Variants in PDHX observed in about 807,000 individuals in gnomAD.
The protein encoded by PDHX is pyruvate dehydrogenase protein X component, mitochondrial.
PDHX carries 33 observed loss-of-function variants against 55.3 expected under a neutral mutation model. That is an observed-to-expected ratio of 0.60 (90% CI 0.45 to 0.80). PDHX has a LOEUF of 0.80. Ranked by LOEUF, PDHX falls within the 30% of genes least tolerant of loss-of-function variation. The pLI, the probability that PDHX is intolerant of heterozygous loss-of-function variation, is 0.00. For synonymous variants in PDHX, 226 were observed against 219.4 expected, an observed-to-expected ratio of 1.03 and a Z score of -0.27; for missense variants, 622 against 619.9, an observed-to-expected ratio of 1.00 and a Z score of -0.04.
chr11:34,969,130 C>T (rs1025157749), intron 6 of PDHX, among the ~76,000 whole-genome samples: 5 of 152,020 alleles, frequency 3.3e-5, no homozygotes, highest in Non-Finnish European at 7.4e-5. Flanking sequence ...CAACTATAGG[C>T]TAATGTAAAT....
At chr11:34,916,565 C>G, upstream of PDHX, 1 of 1,548,810 alleles carries the variant, frequency 6.5e-7, no homozygotes, top group Non-Finnish European at 8.7e-7. Context: ...GCACCGCTAG[C>G]GTCTGGGGGC....
At chr11:34,918,723 C>T (rs768014276) in intron 1 of PDHX, among the ~76,000 whole-genome samples, 5 of 152,124 alleles carry the variant, frequency 3.3e-5, no homozygotes, top group Non-Finnish European at 4.4e-5. Flanking sequence ...TCTAGAGGTC[C>T]GAAGTCCAAA....
chr11:34,966,889 T>G, intron 6 of PDHX, 75 bp downstream of exon 6: 3 of 1,333,352 alleles, frequency 2.2e-6, no homozygotes, highest in Non-Finnish European at 3.2e-6. Flanking sequence ...TCTTGCACTG[T>G]CACCCAGGCT....
intron 5 of PDHX, among the ~76,000 whole-genome samples, chr11:34,964,607 T>TA (rs1263598955): frequency 6.7e-5 from 10 of 148,274 alleles, no homozygotes; most frequent in South Asian, 4.3e-4. Flanking sequence ...CTTTAAAAAA[T>TA]AAAAAAAAAA....
chr11:34,969,493 G>A (rs528084348), intron 6 of PDHX, among the ~76,000 whole-genome samples: 9 of 151,890 alleles, frequency 5.9e-5, no homozygotes, highest in Admixed American at 1.3e-4. Context: ...ACAGGCACGC[G>A]CCACCACACT....
chr11:34,983,145 G>A (rs963731142), intron 8 of PDHX, among the ~76,000 whole-genome samples: 10 of 152,044 alleles, frequency 6.6e-5, no homozygotes, highest in Non-Finnish European at 1.2e-4. Flanking sequence ...ACTTAATCCC[G>A]CATGTAAACA....
intron 4 of PDHX, among the ~76,000 whole-genome samples, chr11:34,957,943 C>T (rs900822311): frequency 6.6e-6 from 1 of 152,126 alleles, no homozygotes; most frequent in African/African-American, 2.4e-5. Context: ...ATTACTGTTA[C>T]AGGAATTCCA....
chr11:34,915,999 C>CA (rs1590720026), upstream of PDHX: 1 of 599,388 alleles, frequency 1.7e-6, no homozygotes, highest in East Asian at 3.0e-5. Flanking sequence ...GTTTGGCGCC[C>CA]AGCTCCCGCC....
intron 9 of PDHX, chr11:34,985,016 C>A (rs1855609992): frequency 2.9e-6 from 1 of 342,722 alleles, no homozygotes; most frequent in East Asian, 6.6e-5. Flanking sequence ...GTCCAGAATT[C>A]AGCCATAAAG....
At chr11:34,953,457 G>C (rs1166025663) in intron 3 of PDHX, among the ~76,000 whole-genome samples, 1 of 152,206 alleles carries the variant, frequency 6.6e-6, no homozygotes, top group Non-Finnish European at 1.5e-5. Context: ...CAAGGCTACA[G>C]TAACCAAAAC....
At chr11:34,980,015 C>T (rs1208367836) in intron 8 of PDHX, among the ~76,000 whole-genome samples, 6 of 144,680 alleles carry the variant, frequency 4.1e-5, no homozygotes, top group African/African-American at 7.5e-5. Flanking sequence ...GCAGCTTTCC[C>T]TTTTTTTTTT....
At chr11:34,917,961 T>G (rs1378947396) in intron 1 of PDHX, among the ~76,000 whole-genome samples, 1 of 152,204 alleles carries the variant, frequency 6.6e-6, no homozygotes, top group Admixed American at 6.5e-5. Flanking sequence ...TTTTGATGTT[T>G]TATTTTGACA....
chr11:34,982,842 G>A (rs1439040446), intron 8 of PDHX, among the ~76,000 whole-genome samples: 8 of 152,256 alleles, frequency 5.3e-5, no homozygotes, highest in African/African-American at 1.7e-4. Context: ...TCTACCAGAG[G>A]TACAAGGAGG....
At chr11:34,950,621 C>T (rs1403636521) in intron 3 of PDHX, among the ~76,000 whole-genome samples, 4 of 149,978 alleles carry the variant, frequency 2.7e-5, no homozygotes, top group South Asian at 2.1e-4. Flanking sequence ...TGAGAACATT[C>T]GGTGTTTGGT....
chr11:34,992,776 G>A (rs1030771663), intron 10 of PDHX, among the ~76,000 whole-genome samples: 6 of 152,058 alleles, frequency 3.9e-5, no homozygotes, highest in Non-Finnish European at 5.9e-5. Flanking sequence ...GGGCATTTGC[G>A]TTGCTTCCAG....
chr11:34,984,246 G>T (rs1855591487), intron 8 of PDHX, among the ~76,000 whole-genome samples: 1 of 152,154 alleles, frequency 6.6e-6, no homozygotes, highest in South Asian at 2.1e-4. Flanking sequence ...ATCATATGAG[G>T]TAGGAAGTAC....
At chr11:34,937,002 T>C (rs968414402) in intron 2 of PDHX, among the ~76,000 whole-genome samples, 1 of 152,028 alleles carries the variant, frequency 6.6e-6, no homozygotes. Flanking sequence ...TTGGCTGGTC[T>C]CGAATTTCTG....
At chr11:34,953,349 T>C (rs919620304) in intron 3 of PDHX, among the ~76,000 whole-genome samples, 1 of 152,094 alleles carries the variant, frequency 6.6e-6, no homozygotes, top group Non-Finnish European at 1.5e-5. Context: ...TACTTTAAAG[T>C]TCATATGGAA....
At chr11:34,951,194 C>A (rs1028510551) in intron 3 of PDHX, among the ~76,000 whole-genome samples, 4 of 151,528 alleles carry the variant, frequency 2.6e-5, no homozygotes, top group African/African-American at 9.7e-5. Flanking sequence ...GTAGCTGGGA[C>A]TACAGGCGCC....
Sources: allele counts gnomAD v4.1 joint callset (sites outside exome capture counted in the v4.1 genomes callset), GRCh38; gene constraint gnomAD v4.1.1; transcripts MANE v1.5; gene names NCBI Gene and HGNC (gene_info 2026-07-23, HGNC 2026-07-21).